Variants in SCAPER observed in about 807,000 individuals in gnomAD.
SCAPER encodes the protein S phase cyclin A-associated protein in the endoplasmic reticulum.
SCAPER carries 98 observed loss-of-function variants against 182.2 expected under a neutral mutation model. That is an observed-to-expected ratio of 0.54 (90% CI 0.46 to 0.64). The LOEUF (loss-of-function observed/expected upper bound fraction) is 0.64. SCAPER is among the 30% of genes least tolerant of loss of function. The pLI is 0.00. For synonymous variants in SCAPER, 605 were observed against 564.6 expected, an observed-to-expected ratio of 1.07 and a Z score of -1.01; for missense variants, 1,432 against 1,690.0, an observed-to-expected ratio of 0.85 and a Z score of 2.68.
intron 21 of SCAPER, among the ~76,000 whole-genome samples, chr15:76,654,731 G>A (rs764935369): frequency 6.6e-6 from 1 of 152,198 alleles, no homozygotes; most frequent in Non-Finnish European, 1.5e-5. Context: ...CCTGACTCAG[G>A]CATCCTGCTT....
At chr15:76,728,141 T>C (rs376197537) in intron 17 of SCAPER, among the ~76,000 whole-genome samples, 2 of 150,590 alleles carry the variant, frequency 1.3e-5, no homozygotes, top group South Asian at 2.1e-4. Context: ...CTTAAACAAG[T>C]GATTAAAACT....
At chr15:76,857,501 ATT>A (rs2071498737) in intron 4 of SCAPER, among the ~76,000 whole-genome samples, 1 of 151,826 alleles carries the variant, frequency 6.6e-6, no homozygotes, top group Admixed American at 6.6e-5. Flanking sequence ...TGGCTGTGTC[ATT>A]TACTAGCAAG....
intron 5 of SCAPER, among the ~76,000 whole-genome samples, chr15:76,828,519 C>G (rs2068194395): frequency 6.6e-6 from 1 of 152,140 alleles, no homozygotes; most frequent in Non-Finnish European, 1.5e-5. Context: ...TGACAGCTAT[C>G]TATCTCTACA....
At chr15:76,475,188 T>C (rs1285006818) in intron 24 of SCAPER, among the ~76,000 whole-genome samples, 1 of 152,152 alleles carries the variant, frequency 6.6e-6, no homozygotes, top group Non-Finnish European at 1.5e-5. Flanking sequence ...AAGAGAAAAT[T>C]TGGTATTTGT....
rs144979446 is a variant in SCAPER at position 76,419,518 on chromosome 15, C to T, written c.3311+14560G>A. 2.0e-3 allele frequency among the ~76,000 whole-genome samples: 309 copies of T among 152,056 alleles called. 2 individuals are homozygous for T. The highest frequency in any genetic ancestry group is 6.5e-3 in the African/African-American group (270 of 41,484). Reference sequence around the variant, plus strand: ...GGCAGATCATCTGAGGTCAGGAATTCGAGACCTGCCTGACCAACATGGAGA... The same window carrying T: ...GGCAGATCATCTGAGGTCAGGAATTTGAGACCTGCCTGACCAACATGGAGA... On this transcript the variant is annotated intron_variant, in intron 26 of 31. Transcript: ENST00000563290.
intron 29 of SCAPER, among the ~76,000 whole-genome samples, chr15:76,373,110 C>A (rs1004106603): frequency 6.7e-6 from 1 of 150,250 alleles, no homozygotes; most frequent in Non-Finnish European, 1.5e-5. Flanking sequence ...TACAGTGGCA[C>A]GATCTTGGCT....
Position 76,480,061 on chromosome 15 carries a change from G to A in SCAPER, c.2955-8726C>T, listed in dbSNP as rs984699887. ...GATAAATGTAAAAGGACAGATCCTC[G>A]CAAAACAAAGAAGATGATTAGCAGT... is the stretch of plus-strand genomic sequence containing the variant. On this transcript the variant is annotated intron_variant, in intron 24 of 31. Transcript: ENST00000563290. Among the ~76,000 whole-genome samples the A allele has an allele frequency of 1.3e-4, 20 of 152,254 alleles. 1 individual carries two copies. The highest frequency in any genetic ancestry group is 4.6e-4 in the African/African-American group (19 of 41,558).
At chr15:76,555,077 A>C (rs754798937) in intron 23 of SCAPER, among the ~76,000 whole-genome samples, 1 of 152,144 alleles carries the variant, frequency 6.6e-6, no homozygotes, top group Non-Finnish European at 1.5e-5. Context: ...CACTGCACCC[A>C]GCCATATATT....
intron 8 of SCAPER, among the ~76,000 whole-genome samples, chr15:76,787,244 T>A (rs1224564437): frequency 6.6e-6 from 1 of 152,188 alleles, no homozygotes; most frequent in Non-Finnish European, 1.5e-5. Flanking sequence ...ACCACAGAGT[T>A]AATCAAGTCA....
At chr15:76,619,726 C>G (rs76495631) in intron 22 of SCAPER, among the ~76,000 whole-genome samples, 1 of 152,184 alleles carries the variant, frequency 6.6e-6, no homozygotes, top group Admixed American at 6.6e-5. Context: ...TCTCCTAATG[C>G]TATCCTGTTA....
intron 21 of SCAPER, among the ~76,000 whole-genome samples, chr15:76,652,030 C>A (rs62026898): frequency 0.34 from 51,345 of 150,402 alleles, 9,033 homozygotes; most frequent in East Asian, 0.55. Flanking sequence ...TTCCATATAA[C>A]CATCTAAATA....
At chr15:76,386,148 C>T (rs1359500926) in intron 27 of SCAPER, among the ~76,000 whole-genome samples, 2 of 152,188 alleles carry the variant, frequency 1.3e-5, no homozygotes, top group Non-Finnish European at 2.9e-5. Flanking sequence ...TTTCTTGCCT[C>T]CCGTCTTTAT....
intron 21 of SCAPER, among the ~76,000 whole-genome samples, chr15:76,626,232 A>G (rs930546277): frequency 2.6e-5 from 4 of 152,110 alleles, no homozygotes; most frequent in African/African-American, 7.2e-5. Flanking sequence ...CACACACTAG[A>G]TGCCTCTAGT....
chr15:76,600,820 T>G (rs2049881540), intron 22 of SCAPER, among the ~76,000 whole-genome samples: 2 of 118,776 alleles, frequency 1.7e-5, no homozygotes, highest in African/African-American at 2.6e-5. Context: ...TATGTGGAGA[T>G]GAATAAAAAC....
intron 23 of SCAPER, among the ~76,000 whole-genome samples, chr15:76,528,024 C>A (rs2043337321): frequency 6.6e-6 from 1 of 152,046 alleles, no homozygotes; most frequent in African/African-American, 2.4e-5. Context: ...TCTCTTTTTG[C>A]CTTTAAATCA....
At chr15:76,561,221 T>C (rs569289770) in intron 23 of SCAPER, among the ~76,000 whole-genome samples, 145 of 152,302 alleles carry the variant, frequency 9.5e-4, no homozygotes, top group African/African-American at 3.3e-3. Context: ...TACTGAGAAA[T>C]AACATCACTC....
At chr15:76,412,571 C>G (rs1238376602) in intron 26 of SCAPER, among the ~76,000 whole-genome samples, 2 of 152,024 alleles carry the variant, frequency 1.3e-5, no homozygotes, top group Non-Finnish European at 2.9e-5. Context: ...TTGTGTAGGT[C>G]TATTTCTGTG....
In SCAPER at chr15:76,430,330, T is replaced by C. The variant is rs192651760; in HGVS notation, c.3311+3748A>G. ...TGGAGCTGTGAGAAGAGGACCACTG[T>C]CCTCCAGACCCCAGAATGGTAGATC... On this transcript the variant is annotated intron_variant, in intron 26 of 31. Transcript: ENST00000563290. Among the ~76,000 whole-genome samples the C allele has an allele frequency of 2.6e-4, 40 of 152,284 alleles. No homozygotes were observed. The East Asian group carries it at 7.3e-3, about 28-fold the overall frequency.
In SCAPER at chr15:76,852,221, T is replaced by C. The variant is rs998467540; in HGVS notation, c.195+5588A>G. On this transcript the variant is annotated intron_variant, in intron 4 of 31. Transcript: ENST00000563290. ...GTTCTTAGAGACCTACAAAGAGACT[T>C]AGACTCCCACACAATAAGAGTGGAA... Among the ~76,000 whole-genome samples the C allele has an allele frequency of 3.3e-5, 5 of 152,214 alleles. No homozygotes were observed. In the South Asian group the frequency reaches 8.3e-4, roughly 25 times the overall value.
Sources: allele counts gnomAD v4.1 joint callset (sites outside exome capture counted in the v4.1 genomes callset), GRCh38; gene constraint gnomAD v4.1.1; transcripts MANE v1.5; gene names NCBI Gene and HGNC (gene_info 2026-07-23, HGNC 2026-07-21).